Variants in SCMH1 observed in about 807,000 individuals in gnomAD.
SCMH1 encodes polycomb protein SCMH1.
In SCMH1, 37 loss-of-function variants were observed where a neutral mutation model predicts 70.8. The observed-to-expected ratio is 0.52, with a 90% CI of 0.40 to 0.69. The LOEUF (loss-of-function observed/expected upper bound fraction) is 0.69. SCMH1 is among the 30% of genes least tolerant of loss of function. The probability of loss-of-function intolerance (pLI) is 0.00; values close to 1 mark genes in which losing one functional copy is unlikely to be tolerated. For synonymous variants in SCMH1, 292 were observed against 307.4 expected, an observed-to-expected ratio of 0.95 and a Z score of 0.52; for missense variants, 607 against 827.3, an observed-to-expected ratio of 0.73 and a Z score of 3.27.
At chr1:41,176,189 C>CAAAAAAAAACAAAAAAAAA (rs1647113711) in intron 2 of SCMH1, among the ~76,000 whole-genome samples, 2 of 109,948 alleles carry the variant, frequency 1.8e-5, no homozygotes, top group Admixed American at 8.4e-5. Flanking sequence ...CCAAAAAAAA[C>CAAAAAAAAACAAAAAAAAA]AAAAAAAAAA....
chr1:41,058,808 A>C (rs1202663039), intron 10 of SCMH1, among the ~76,000 whole-genome samples: 1 of 152,196 alleles, frequency 6.6e-6, no homozygotes, highest in Admixed American at 6.5e-5. Context: ...TGAAGAGCAA[A>C]AATGGGGTAA....
intron 10 of SCMH1, among the ~76,000 whole-genome samples, chr1:41,057,430 T>C (rs1303322058): frequency 1.3e-5 from 2 of 152,114 alleles, no homozygotes; most frequent in East Asian, 1.9e-4. Context: ...TTTGTATTTT[T>C]AGTAGAGACA....
At chr1:41,220,346 C>G (rs147556684) in intron 1 of SCMH1, among the ~76,000 whole-genome samples, 81 of 152,338 alleles carry the variant, frequency 5.3e-4, no homozygotes, top group Middle Eastern at 3.4e-3. Context: ...AATTCCTTGA[C>G]TCATGAAATA....
At chr1:41,159,669 A>G in intron 4 of SCMH1, 1 of 1,488,102 alleles carries the variant, frequency 6.7e-7, no homozygotes, top group Non-Finnish European at 8.9e-7. Context: ...GCTTGAGGAA[A>G]GTTTTAAAGA....
At chr1:41,208,357 CAT>C (rs1451380043) in intron 1 of SCMH1, among the ~76,000 whole-genome samples, 44 of 136,522 alleles carry the variant, frequency 3.2e-4, no homozygotes, top group Non-Finnish European at 6.6e-4. Flanking sequence ...AGCGCACCAG[CAT>C]GGCACATGTA....
At chr1:41,170,586 C>G (rs1646725302) in intron 2 of SCMH1, among the ~76,000 whole-genome samples, 1 of 152,166 alleles carries the variant, frequency 6.6e-6, no homozygotes, top group African/African-American at 2.4e-5. Flanking sequence ...TCATTTGCCA[C>G]CAGCATTCTT....
At chr1:41,135,523 C>T (rs1312235729) in intron 6 of SCMH1, among the ~76,000 whole-genome samples, 1 of 152,178 alleles carries the variant, frequency 6.6e-6, no homozygotes, top group African/African-American at 2.4e-5. Context: ...GATGTGTTTG[C>T]TTCCCCTTCC....
At chr1:41,228,289 T>C (rs1255910343) in intron 1 of SCMH1, among the ~76,000 whole-genome samples, 5 of 152,194 alleles carry the variant, frequency 3.3e-5, no homozygotes, top group Non-Finnish European at 5.9e-5. Flanking sequence ...TATTGTTTAA[T>C]GGATAGAGTT....
chr1:41,192,145 C>T (rs1381234057), intron 1 of SCMH1, among the ~76,000 whole-genome samples: 2 of 152,078 alleles, frequency 1.3e-5, no homozygotes, highest in Admixed American at 1.3e-4. Context: ...GCCCATTCTG[C>T]CTAATCCATA....
At chr1:41,078,467 G>A (rs1457575560) in intron 8 of SCMH1, among the ~76,000 whole-genome samples, 1 of 152,066 alleles carries the variant, frequency 6.6e-6, no homozygotes, top group Non-Finnish European at 1.5e-5. Flanking sequence ...TTGTCAAACT[G>A]CTGAAAATAC....
At chr1:41,198,991 T>C (rs1653679841) in intron 1 of SCMH1, among the ~76,000 whole-genome samples, 1 of 152,004 alleles carries the variant, frequency 6.6e-6, no homozygotes, top group South Asian at 2.1e-4. Context: ...CACGCCAAGG[T>C]ATAAAACTGG....
chr1:41,096,115 A>C lies in SCMH1; in HGVS notation c.745+17168T>G, dbSNP rs986225983. ...AGGAAGGTAGGAAGCTCAGGTTAAC[A>C]CTAGATTCAATAATACTAGCAATAA... On this transcript the variant is annotated intron_variant, in intron 8 of 14. Transcript: ENST00000337495. 2.6e-5 allele frequency among the ~76,000 whole-genome samples: 4 copies of C among 152,358 alleles called. No homozygotes were observed. In the South Asian group the frequency reaches 6.2e-4, roughly 24 times the overall value.
chr1:41,224,270 TTCCTC>T (rs1358383348), intron 1 of SCMH1, among the ~76,000 whole-genome samples: 2 of 152,208 alleles, frequency 1.3e-5, no homozygotes, highest in Non-Finnish European at 2.9e-5. Context: ...TTGTGTCTGA[TTCCTC>T]TACTAGATTA....
At chr1:41,223,215 T>C (rs1001767168) in intron 1 of SCMH1, among the ~76,000 whole-genome samples, 2 of 152,226 alleles carry the variant, frequency 1.3e-5, no homozygotes, top group African/African-American at 2.4e-5. Context: ...TCTCTTTAAT[T>C]AGGCTATTTC....
chr1:41,148,438 G>A (rs1326526022), intron 5 of SCMH1, among the ~76,000 whole-genome samples: 3 of 152,120 alleles, frequency 2.0e-5, no homozygotes, highest in African/African-American at 7.2e-5. Flanking sequence ...GAGTCTGTGA[G>A]TAATGAATTC....
intron 1 of SCMH1, among the ~76,000 whole-genome samples, chr1:41,230,882 C>T (rs1661170214): frequency 1.3e-5 from 2 of 152,058 alleles, no homozygotes; most frequent in South Asian, 2.1e-4. Flanking sequence ...TTTCTCCAGG[C>T]GATTCTGATA....
intron 2 of SCMH1, among the ~76,000 whole-genome samples, chr1:41,177,479 C>G (rs201676391): frequency 6.6e-6 from 1 of 151,808 alleles, no homozygotes; most frequent in Admixed American, 6.6e-5. Context: ...GGCAAAGAAG[C>G]TAAAAACCTT....
chr1:41,141,596 T>C (rs573112609), intron 6 of SCMH1, among the ~76,000 whole-genome samples: 4 of 152,286 alleles, frequency 2.6e-5, no homozygotes, highest in Admixed American at 1.3e-4. Flanking sequence ...TTTTAGGAAC[T>C]AGAGGACACA....
chr1:41,171,273 T>C (rs575796892), intron 2 of SCMH1, among the ~76,000 whole-genome samples: 72 of 152,322 alleles, frequency 4.7e-4, no homozygotes, highest in South Asian at 3.1e-3. Context: ...CCAGCTGGAA[T>C]AGACATTTAC....
Sources: allele counts gnomAD v4.1 joint callset (sites outside exome capture counted in the v4.1 genomes callset), GRCh38; gene constraint gnomAD v4.1.1; transcripts MANE v1.5; gene names NCBI Gene and HGNC (gene_info 2026-07-23, HGNC 2026-07-21).